The following ANKRD11 variants were observed in gnomAD, a reference collection of about 807,000 sequenced individuals.
The protein encoded by ANKRD11 is ankyrin repeat domain-containing protein 11.
Under a neutral mutation model 195.7 loss-of-function variants are expected in ANKRD11, and 17 were observed. The observed-to-expected ratio is 0.09, with a 90% CI of 0.06 to 0.13. ANKRD11 has a LOEUF of 0.13. ANKRD11 is among the 10% of genes least tolerant of loss of function. ANKRD11 has a pLI of 1.00. For missense variants in ANKRD11, 3,735 were observed against 3,566.1 expected (o/e 1.05, Z -1.21); for synonymous variants, 1,953 against 1,528.1 (o/e 1.28, Z -6.49).
intron 7 of ANKRD11, 167 bp from the exon 8 acceptor site, chr16:89,286,353 C>T (rs1010129374): frequency 3.0e-6 from 3 of 1,008,592 alleles, no homozygotes; most frequent in Non-Finnish European, 4.5e-6. Context: ...CCTGGCGAGG[C>T]TCTGGGTGTG....
At chr16:89,417,543 T>C (rs2042356632) in intron 2 of ANKRD11, among the ~76,000 whole-genome samples, 3 of 152,064 alleles carry the variant, frequency 2.0e-5, no homozygotes, top group African/African-American at 7.2e-5. Flanking sequence ...TGCCAGTGAC[T>C]CCCAGGAGGA....
At chr16:89,486,303 C>T (rs556751327) in intron 1 of ANKRD11, among the ~76,000 whole-genome samples, 112 of 151,992 alleles carry the variant, frequency 7.4e-4, no homozygotes, top group African/African-American at 2.6e-3. Flanking sequence ...TAGCTGGGCA[C>T]GGCGGCACAT....
chr16:89,482,482 A>T (rs910133731), intron 1 of ANKRD11, among the ~76,000 whole-genome samples: 1 of 152,214 alleles, frequency 6.6e-6, no homozygotes, highest in African/African-American at 2.4e-5. Flanking sequence ...GCAAGGGAAC[A>T]TTACTGGAAA....
At chr16:89,278,069 C>T (rs1466540) in intron 9 of ANKRD11, 106,860 of 185,296 alleles carry the variant, frequency 0.58, 31,661 homozygotes, top group Non-Finnish European at 0.64. Context: ...CACACTCAAG[C>T]GAGACGGCTG....
chr16:89,279,913 T>A lies in ANKRD11; in HGVS notation c.6629A>T (p.Glu2210Val). The change falls in exon 9 of 13, where the codon GAG becomes GTG. Residue 2210 changes from glutamate (E) to valine (V), a missense_variant. Glu to Val is a moderately radical substitution (Grantham distance 121). Transcript: ENST00000301030. The surrounding 1 kb of genome is among the most constrained non-coding windows in gnomAD (Gnocchi z 5.6). ...PAELEPEPSG[E>V]PKLDVALEAA... ...TTCTAGAGCCACGTCCAGCTTTGGC[T>A]CCCCTGAGGGCTCAGGCTCGAGCTC... The A allele has an allele frequency of 6.2e-7, 1 of 1,609,488 alleles. No homozygotes were observed. Among genetic ancestry groups the A allele is most frequent in the South Asian group, 1.1e-5 (1 of 90,794 alleles).
chr16:89,473,975 T>G (rs2057173057), intron 1 of ANKRD11, among the ~76,000 whole-genome samples: 1 of 152,216 alleles, frequency 6.6e-6, no homozygotes, highest in South Asian at 2.1e-4. Context: ...AGCAGAAGAC[T>G]CTTTGCTGTT....
intron 1 of ANKRD11, among the ~76,000 whole-genome samples, chr16:89,440,161 G>C (rs987249730): frequency 6.6e-6 from 1 of 152,178 alleles, no homozygotes; most frequent in Non-Finnish European, 1.5e-5. Flanking sequence ...AGTCCTCAAG[G>C]GGACAATGGC....
intron 3 of ANKRD11, among the ~76,000 whole-genome samples, chr16:89,312,417 G>C (rs565010326): frequency 2.6e-5 from 4 of 152,278 alleles, no homozygotes; most frequent in Admixed American, 2.6e-4. Context: ...GAGGCAGCAT[G>C]CAGGCATGTG....
At chr16:89,353,192 A>G (rs1432637074) in intron 2 of ANKRD11, among the ~76,000 whole-genome samples, 3 of 151,994 alleles carry the variant, frequency 2.0e-5, no homozygotes, top group Admixed American at 1.3e-4. Flanking sequence ...AAATACAAAA[A>G]TTAGCCGTGC....
chr16:89,286,466 T>A (rs1278628274), intron 7 of ANKRD11: 2 of 564,192 alleles, frequency 3.5e-6, no homozygotes, highest in Non-Finnish European at 5.9e-6. Flanking sequence ...CTTTGGATTT[T>A]TTTCCACCAT....
At chr16:89,374,366 C>T (rs1255253177) in intron 2 of ANKRD11, among the ~76,000 whole-genome samples, 1 of 143,388 alleles carries the variant, frequency 7.0e-6, no homozygotes, top group Non-Finnish European at 1.5e-5. Flanking sequence ...AATAATCACA[C>T]TCACCTGTTT....
chr16:89,435,048 G>C (rs1248285205), intron 1 of ANKRD11, among the ~76,000 whole-genome samples: 1 of 152,136 alleles, frequency 6.6e-6, no homozygotes, highest in Non-Finnish European at 1.5e-5. Context: ...TGGGCTTCTG[G>C]GTCGGGTGGG....
chr16:89,323,144 C>A (rs1730111809), intron 2 of ANKRD11: 1 of 367,182 alleles, frequency 2.7e-6, no homozygotes, highest in Non-Finnish European at 5.1e-6. Flanking sequence ...GGGAGAAGCA[C>A]GGTCTCCAGC....
chr16:89,458,318 G>A (rs996777177), intron 1 of ANKRD11, among the ~76,000 whole-genome samples: 7 of 151,852 alleles, frequency 4.6e-5, no homozygotes, highest in South Asian at 4.2e-4. Context: ...TCCGCCTCCC[G>A]GGTTCAGGCC....
intron 2 of ANKRD11, among the ~76,000 whole-genome samples, chr16:89,398,735 TTG>T (rs1450266082): frequency 6.6e-6 from 1 of 151,592 alleles, no homozygotes; most frequent in Non-Finnish European, 1.5e-5. Context: ...CAGAGAGAGA[TTG>T]TGTGTCCAAA....
intron 2 of ANKRD11, among the ~76,000 whole-genome samples, chr16:89,386,557 G>A (rs1288953400): frequency 6.6e-6 from 1 of 152,184 alleles, no homozygotes; most frequent in Admixed American, 6.5e-5. Flanking sequence ...GGCCCGCAAC[G>A]ACCTTGCATC....
intron 2 of ANKRD11, among the ~76,000 whole-genome samples, chr16:89,356,181 T>C (rs1231964755): frequency 1.3e-5 from 2 of 152,248 alleles, no homozygotes; most frequent in Non-Finnish European, 2.9e-5. Context: ...TTTCTGATCA[T>C]CTTTGTTTAT....
At chr16:89,329,876 C>A (rs1016742743) in intron 2 of ANKRD11, among the ~76,000 whole-genome samples, 1 of 151,934 alleles carries the variant, frequency 6.6e-6, no homozygotes, top group Non-Finnish European at 1.5e-5. Flanking sequence ...CATGGTGGTG[C>A]GTGCCTGTAA....
intron 2 of ANKRD11, among the ~76,000 whole-genome samples, chr16:89,379,924 T>G (rs1317930573): frequency 6.6e-6 from 1 of 152,126 alleles, no homozygotes; most frequent in Non-Finnish European, 1.5e-5. Context: ...ACCTTTTCAG[T>G]TTTCCAATCA....
Sources: allele counts gnomAD v4.1 joint callset (sites outside exome capture counted in the v4.1 genomes callset), GRCh38; gene constraint gnomAD v4.1.1; non-coding constraint Gnocchi (gnomAD v3.1); transcripts MANE v1.5; gene names NCBI Gene and HGNC (gene_info 2026-07-23, HGNC 2026-07-21).